Variants in ST13 observed in about 807,000 individuals in gnomAD.
The protein encoded by ST13 is hsc70-interacting protein.
ST13 carries 23 observed loss-of-function variants against 56.7 expected under a neutral mutation model. The ratio of observed to expected loss-of-function variants is 0.41; its 90% CI spans 0.29 to 0.57. The LOEUF is 0.57. Ranked by LOEUF, ST13 falls within the 20% of genes least tolerant of loss-of-function variation. The pLI is 0.36. For missense variants in ST13, 369 were observed against 459.9 expected, an observed-to-expected ratio of 0.80 and a Z score of 1.81; for synonymous variants, 132 against 142.4, an observed-to-expected ratio of 0.93 and a Z score of 0.52.
intron 7 of ST13, among the ~76,000 whole-genome samples, chr22:40,833,861 TCAAAA>T (rs563918743): frequency 6.4e-4 from 96 of 150,982 alleles, no homozygotes; most frequent in East Asian, 1.6e-3. Flanking sequence ...GCAAAATGCC[TCAAAA>T]CAAAACAAAA....
At chr22:40,846,144 C>G (rs2057830118) in intron 3 of ST13, among the ~76,000 whole-genome samples, 1 of 152,080 alleles carries the variant, frequency 6.6e-6, no homozygotes, top group African/African-American at 2.4e-5. Flanking sequence ...CCATGTTAGT[C>G]AGGCTGGTCT....
chr22:40,854,559 T>G (rs774711253), intron 1 of ST13: 4 of 152,222 alleles, frequency 2.6e-5, no homozygotes, highest in Non-Finnish European at 5.9e-5. Context: ...ATTCTCTACA[T>G]AGGCACAATC....
In ST13 at chr22:40,850,835, T is replaced by C. The variant is rs753681624; in HGVS notation, c.156A>G (p.Glu52=). The change falls in exon 2 of 12, where the codon GAA becomes GAG. Residue 52 remains glutamate, a synonymous_variant. Transcript: ENST00000216218. ...AATTAAAACTTACCTTGGTATTTTC[T>C]TCTGATTTAGCTTTCTGAGTAGCAG... The part of the protein sequence containing the change: ...VPPATQKAKS[E]ENTKEEKPDS... 2 of 1,605,346 alleles carry C rather than the reference T, an allele frequency of 1.2e-6. No individual in the cohort carries two copies. Among genetic ancestry groups the C allele is most frequent in the South Asian group, 2.2e-5 (2 of 89,688 alleles).
intron 7 of ST13, among the ~76,000 whole-genome samples, chr22:40,833,286 G>A (rs956629008): frequency 1.3e-5 from 2 of 152,146 alleles, no homozygotes; most frequent in Non-Finnish European, 2.9e-5. Flanking sequence ...AAGAAGCTGT[G>A]TGGCTGGGCG....
intron 7 of ST13, among the ~76,000 whole-genome samples, chr22:40,833,561 T>C (rs1438613382): frequency 1.5e-5 from 1 of 68,648 alleles, no homozygotes; most frequent in Non-Finnish European, 2.6e-5. Flanking sequence ...GAAGACTCCA[T>C]CTCAAAAAAA....
In ST13 at chr22:40,830,380, G is replaced by A. The variant is rs191799569; in HGVS notation, c.798+460C>T. ...ACACTATGTTGCCCAGGCTAGTCTC[G>A]AACTCCTGGGCTCAAGTGAACCTCC... is the stretch of plus-strand genomic sequence containing the variant. On this transcript the variant is annotated intron_variant, in intron 9 of 11. Coordinates refer to ENST00000216218, the MANE Select transcript of ST13 (RefSeq NM_003932.5). 2.7e-3 allele frequency among the ~76,000 whole-genome samples: 407 copies of A among 152,180 alleles called. 2 individuals are homozygous for A. The highest frequency in any genetic ancestry group is 9.1e-3 in the African/African-American group (377 of 41,522).
At chr22:40,828,619 A>G (rs79442727) in intron 10 of ST13, among the ~76,000 whole-genome samples, 1 of 147,608 alleles carries the variant, frequency 6.8e-6, no homozygotes, top group Non-Finnish European at 1.5e-5. Flanking sequence ...TCTCAATAAT[A>G]AAAAAAAAAA....
chr22:40,831,081 A>G, intron 8 of ST13, 125 bp from the exon 9 acceptor site: 1 of 687,718 alleles, frequency 1.5e-6, no homozygotes, highest in Non-Finnish European at 2.4e-6. Flanking sequence ...TTTGTCTTGT[A>G]CAAAAAGACC....
chr22:40,835,528 A>C (rs111514641), intron 7 of ST13, 32 bp downstream of exon 7: 1 of 1,534,618 alleles, frequency 6.5e-7, no homozygotes, highest in African/African-American at 1.4e-5. Flanking sequence ...AAATGTAAAG[A>C]GTTCTGAAAA....
rs778665952 is a variant in ST13, at chr22:40,840,665, T to G, written c.343A>C (p.Asn115His). The G allele has an allele frequency of 6.2e-7, 1 of 1,610,834 alleles. No homozygotes were observed. Among genetic ancestry groups the G allele is most frequent in the Non-Finnish European group, 8.5e-7 (1 of 1,179,324 alleles). Reference protein sequence around the residue: ...EITEEMMDQANDKKVAAIEAL... With the variant: ...EITEEMMDQAHDKKVAAIEAL... The stretch of plus-strand genomic sequence containing the variant: ...TCAATAGCAGCCACTTTTTTATCAT[T>G]TGCCTGATCCATCATCTCCTCCGTT... The change falls in exon 5 of 12, where the codon AAT (asparagine) becomes CAT (histidine). Residue 115 changes from asparagine (N) to histidine (H), a missense_variant. Physicochemically the swap from Asn to His is moderately conservative, Grantham distance 68. This residue lies in a region of ST13 where 169 missense variants were observed against 175.6 expected (regional missense o/e 0.96). Transcript: ENST00000216218.
At position 40,853,833 on chromosome 22, in the gene ST13, A is replaced by G. The variant is rs139530278; in HGVS notation, c.110+2598T>C. On this transcript the variant is annotated intron_variant, in intron 1 of 11. Coordinates refer to ENST00000216218, the MANE Select transcript of ST13 (RefSeq NM_003932.5). ...ATCTTAATTACCATCAAGTAAAGCC[A>G]TGAAACCACATACAAGATACTAAAT... Among the ~76,000 whole-genome samples, 573 of 152,358 alleles carry G rather than the reference A, an allele frequency of 3.8e-3. 2 individuals carry two copies. Among genetic ancestry groups the G allele is most frequent in the African/African-American group, 0.012 (511 of 41,584 alleles).
At chr22:40,835,969 T>C (rs976595523) in intron 5 of ST13, 82 bp from the exon 6 acceptor site, 18 of 1,076,088 alleles carry the variant, frequency 1.7e-5, no homozygotes, top group Non-Finnish European at 2.4e-5. Flanking sequence ...TCCAGTTAAG[T>C]CTTTTACATT....
intron 1 of ST13, among the ~76,000 whole-genome samples, chr22:40,853,310 T>C (rs1332237159): frequency 1.3e-5 from 2 of 152,002 alleles, no homozygotes; most frequent in African/African-American, 2.4e-5. Context: ...CTTTGTACCA[T>C]ACCTGCAATT....
rs530407843 is a variant in ST13, at chr22:40,832,755, G to C, written c.579-84C>G. 43 of 1,082,742 alleles carry C rather than the reference G, an allele frequency of 4.0e-5. 1 individual carries two copies. In the South Asian group the frequency reaches 5.7e-4, roughly 14 times the overall value. The allele number at this position is 1,082,742 out of a possible 1,614,324, so 67.1% of individuals were successfully genotyped here. A position where few individuals can be genotyped will look rare whatever the true frequency, so the allele number is the denominator to read the frequency against. ...GATATCTTTCTTCCTTACAAAAAAGGATTGTTCTAAAACAGGCTTAAGTTA... is the reference window on the plus strand; with the variant it reads ...GATATCTTTCTTCCTTACAAAAAAGCATTGTTCTAAAACAGGCTTAAGTTA... On this transcript the variant is annotated intron_variant, in intron 7 of 11. Transcript: ENST00000216218.
At chr22:40,846,757 CCAAG>C (rs1349589003) in intron 3 of ST13, among the ~76,000 whole-genome samples, 5 of 152,130 alleles carry the variant, frequency 3.3e-5, no homozygotes, top group Non-Finnish European at 7.3e-5. Context: ...CTCTGGGAGG[CCAAG>C]ACGGGCAGAT....
intron 2 of ST13, among the ~76,000 whole-genome samples, chr22:40,848,742 C>T (rs2057845741): frequency 1.3e-5 from 2 of 151,738 alleles, no homozygotes; most frequent in African/African-American, 4.8e-5. Context: ...GACTGTGTCT[C>T]AAAAATAAAA....
At chr22:40,856,016 T>C (rs2057891879) in intron 1 of ST13, among the ~76,000 whole-genome samples, 1 of 152,148 alleles carries the variant, frequency 6.6e-6, no homozygotes, top group Admixed American at 6.5e-5. Flanking sequence ...TGTTATATTA[T>C]TATAACACGA....
At chr22:40,827,027 T>C (rs1442003632) in intron 11 of ST13, 69 bp downstream of exon 11, 4 of 1,532,378 alleles carry the variant, frequency 2.6e-6, no homozygotes, top group African/African-American at 1.4e-5. Flanking sequence ...GTAACCTTTG[T>C]CTCCACACAG....
At chr22:40,832,537 T>G (rs2057758806) in intron 8 of ST13, 32 bp downstream of exon 8, 1 of 1,523,058 alleles carries the variant, frequency 6.6e-7, no homozygotes, top group South Asian at 1.1e-5. Flanking sequence ...AGTATTTAAC[T>G]AATGACTTTC....
Sources: allele counts gnomAD v4.1 joint callset (sites outside exome capture counted in the v4.1 genomes callset), GRCh38; gene constraint gnomAD v4.1.1; regional missense constraint gnomAD v4.1.1; transcripts MANE v1.5; gene names NCBI Gene and HGNC (gene_info 2026-07-23, HGNC 2026-07-21).